Variants in RANBP17 observed in about 807,000 individuals in gnomAD.
The protein encoded by RANBP17 is RAN binding protein 17.
A neutral mutation model predicts 141.2 loss-of-function variants in RANBP17; 158 were observed. That is an observed-to-expected ratio of 1.12 (90% confidence interval 0.98 to 1.28). The LOEUF (loss-of-function observed/expected upper bound fraction) is 1.28. Ranked by LOEUF, RANBP17 falls within the 50% of genes most tolerant of loss-of-function variation. The pLI, the probability that RANBP17 is intolerant of heterozygous loss-of-function variation, is 0.00. For synonymous variants in RANBP17, 430 were observed against 450.0 expected (o/e 0.96, Z 0.56); for missense variants, 1,438 against 1,290.7 (o/e 1.11, Z -1.75).
At chr5:171,144,093 T>C (rs573479282) in intron 14 of RANBP17, among the ~76,000 whole-genome samples, 26 of 152,288 alleles carry the variant, frequency 1.7e-4, no homozygotes, top group African/African-American at 5.8e-4. Flanking sequence ...CTGGGCGTGG[T>C]GGCTCATACC....
intron 14 of RANBP17, among the ~76,000 whole-genome samples, chr5:171,021,386 T>C (rs1780844600): frequency 6.6e-6 from 1 of 152,238 alleles, no homozygotes; most frequent in Non-Finnish European, 1.5e-5. Flanking sequence ...GGTTCCATTC[T>C]CTCTGTCACT....
intron 18 of RANBP17, among the ~76,000 whole-genome samples, chr5:171,187,749 T>C (rs1384701867): frequency 1.3e-5 from 2 of 152,194 alleles, no homozygotes; most frequent in African/African-American, 4.8e-5. Flanking sequence ...TTAGGATGGG[T>C]ACTTAAGCTT....
intron 26 of RANBP17, among the ~76,000 whole-genome samples, 199 bp from the exon 27 acceptor site, chr5:171,295,688 A>G (rs1581200396): frequency 6.6e-6 from 1 of 152,196 alleles, no homozygotes; most frequent in South Asian, 2.1e-4. Flanking sequence ...TATGGAAGGC[A>G]TCATAGAATT....
intron 14 of RANBP17, among the ~76,000 whole-genome samples, chr5:171,047,604 T>G (rs140907434): frequency 6.6e-6 from 1 of 151,764 alleles, no homozygotes; most frequent in South Asian, 2.1e-4. Context: ...CCACATCAGC[T>G]AATTTTTGTA....
At chr5:171,039,482 T>C (rs1475339236) in intron 14 of RANBP17, among the ~76,000 whole-genome samples, 1 of 152,150 alleles carries the variant, frequency 6.6e-6, no homozygotes, top group East Asian at 1.9e-4. Context: ...ATTCTGGATA[T>C]TAGACCTTTG....
At chr5:171,026,074 A>G (rs1342954119) in intron 14 of RANBP17, among the ~76,000 whole-genome samples, 1 of 152,222 alleles carries the variant, frequency 6.6e-6, no homozygotes, top group Non-Finnish European at 1.5e-5. Flanking sequence ...TGAAATAATA[A>G]AGGAGTATAT....
In RANBP17 at chr5:171,277,303, G is replaced by A. The variant is rs1251571308; in HGVS notation, c.2943+11456G>A. Among the ~76,000 whole-genome samples the A allele has an allele frequency of 2.6e-5, 4 of 151,934 alleles. No individual in the cohort carries two copies. The East Asian group carries it at 7.8e-4, about 29-fold the overall frequency. ...CGTCTCCCTGCATCACACGAAGCTAGCCTAAGACTTACCAGACAGATCCTA... is the reference window on the plus strand; with the variant it reads ...CGTCTCCCTGCATCACACGAAGCTAACCTAAGACTTACCAGACAGATCCTA... On this transcript the variant is annotated intron_variant, in intron 25 of 27. Transcript: ENST00000523189.
At chr5:170,965,215 C>T (rs913561688) in intron 13 of RANBP17, among the ~76,000 whole-genome samples, 1 of 149,574 alleles carries the variant, frequency 6.7e-6, no homozygotes, top group Non-Finnish European at 1.5e-5. Context: ...AGTATCTGTT[C>T]ATGTCTTTTG....
chr5:170,935,133 T>C (rs1249068684), intron 12 of RANBP17, among the ~76,000 whole-genome samples: 2 of 152,216 alleles, frequency 1.3e-5, no homozygotes, highest in East Asian at 3.9e-4. Flanking sequence ...GTAGTTCTCG[T>C]GCCATGGTTT....
chr5:171,070,740 C>T (rs1387280911), intron 14 of RANBP17, among the ~76,000 whole-genome samples: 1 of 151,962 alleles, frequency 6.6e-6, no homozygotes, highest in Non-Finnish European at 1.5e-5. Context: ...CTACACTTTA[C>T]AATACTAGTA....
At chr5:171,022,852 G>T (rs1438375166) in intron 14 of RANBP17, among the ~76,000 whole-genome samples, 2 of 152,224 alleles carry the variant, frequency 1.3e-5, no homozygotes, top group Non-Finnish European at 2.9e-5. Flanking sequence ...GCAGATTCCA[G>T]CTGAGAGGCG....
chr5:171,137,058 C>A (rs187110936), intron 14 of RANBP17, among the ~76,000 whole-genome samples: 3 of 152,054 alleles, frequency 2.0e-5, no homozygotes, highest in African/African-American at 4.8e-5. Context: ...TTATAAAGTT[C>A]TATTTTTGAC....
chr5:170,919,972 A>C (rs1286347505), intron 11 of RANBP17, among the ~76,000 whole-genome samples: 1 of 151,920 alleles, frequency 6.6e-6, no homozygotes, highest in Non-Finnish European at 1.5e-5. Flanking sequence ...TGCATTTGAG[A>C]GATTCCTCTG....
chr5:171,024,166 A>T (rs1781078034), intron 14 of RANBP17, among the ~76,000 whole-genome samples: 1 of 152,180 alleles, frequency 6.6e-6, no homozygotes, highest in African/African-American at 2.4e-5. Context: ...ATAACTGCAA[A>T]TCAAAAAGGT....
intron 24 of RANBP17, among the ~76,000 whole-genome samples, chr5:171,249,279 T>C (rs920453642): frequency 1.3e-5 from 2 of 152,102 alleles, no homozygotes; most frequent in African/African-American, 4.8e-5. Context: ...TCAGGAAAAA[T>C]GCCTCCCCTA....
chr5:171,242,904 T>C (rs1411775959), intron 24 of RANBP17, 84 bp downstream of exon 24: 1 of 1,263,064 alleles, frequency 7.9e-7, no homozygotes, highest in Admixed American at 2.0e-5. Flanking sequence ...ACTATCATCC[T>C]ACAAAGGGGG....
At position 171,184,379 on chromosome 5, in the gene RANBP17, G is replaced by A. The variant is rs144354839; in HGVS notation, c.2038+949G>A. On this transcript the variant is annotated intron_variant, in intron 18 of 27. Coordinates refer to ENST00000523189, the MANE Select transcript of RANBP17 (RefSeq NM_022897.5). ...TACTATGTTAAGTGAAATAAGCCAG[G>A]CACAGAGGACAAATACTATATGATA... is the stretch of plus-strand genomic sequence containing the variant. Among the ~76,000 whole-genome samples, 109 of 152,246 alleles carry A rather than the reference G, an allele frequency of 7.2e-4. 1 individual carries two copies. In the East Asian group the frequency reaches 0.017, roughly 23 times the overall value.
intron 14 of RANBP17, among the ~76,000 whole-genome samples, chr5:171,050,576 G>C (rs549740538): frequency 2.0e-5 from 3 of 152,122 alleles, no homozygotes; most frequent in Non-Finnish European, 4.4e-5. Flanking sequence ...GCATTGTGAC[G>C]TGTGCCTGTG....
chr5:171,047,997 A>G (rs779640), intron 14 of RANBP17, among the ~76,000 whole-genome samples: 93,015 of 151,960 alleles, frequency 0.61, 29,822 homozygotes, highest in South Asian at 0.88. Flanking sequence ...AGAATTTTAT[A>G]CAAGTCTTTT....
Sources: allele counts gnomAD v4.1 joint callset (sites outside exome capture counted in the v4.1 genomes callset), GRCh38; gene constraint gnomAD v4.1.1; transcripts MANE v1.5; gene names NCBI Gene and HGNC (gene_info 2026-07-23, HGNC 2026-07-21).